The following ACTR3C variants were observed in gnomAD, a reference collection of about 807,000 sequenced individuals.
ACTR3C encodes the protein actin related protein 3C.
Under a neutral mutation model 26.3 loss-of-function variants are expected in ACTR3C, and 18 were observed. That is an observed-to-expected ratio of 0.68 (90% CI 0.47 to 1.01). The LOEUF (loss-of-function observed/expected upper bound fraction) is 1.01, where lower values mean the gene tolerates loss of function less well. Ranked by LOEUF, ACTR3C falls within the 50% of genes least tolerant of loss-of-function variation. The pLI, the probability that ACTR3C is intolerant of heterozygous loss-of-function variation, is 0.00. For synonymous variants in ACTR3C, 55 were observed against 94.5 expected (o/e 0.58, Z 2.42); for missense variants, 184 against 250.7 (o/e 0.73, Z 1.80).
chr7:150,132,920 A>T, the ACTR3C span, among the ~76,000 whole-genome samples: 1 of 152,158 alleles, frequency 6.6e-6, no homozygotes, highest in African/African-American at 2.4e-5. Flanking sequence ...ACACAGCCAT[A>T]AAAAAAGAAT....
the ACTR3C span, among the ~76,000 whole-genome samples, chr7:150,094,505 C>T: frequency 1.3e-5 from 2 of 150,528 alleles, no homozygotes; most frequent in African/African-American, 2.5e-5. Context: ...GGGCCAAGGT[C>T]GGGGCAGATG....
chr7:149,918,882 C>A, the ACTR3C span, among the ~76,000 whole-genome samples: 1 of 152,132 alleles, frequency 6.6e-6, no homozygotes, highest in Non-Finnish European at 1.5e-5. Context: ...TCCTTAAAGG[C>A]TCTGGAACTT....
chr7:150,040,664 G>T, the ACTR3C span: 1 of 145,978 alleles, frequency 6.9e-6, no homozygotes, highest in Non-Finnish European at 1.5e-5. Flanking sequence ...GGTACCTGCC[G>T]TCGGAAGATT....
At chr7:150,148,206 C>T in the ACTR3C span, among the ~76,000 whole-genome samples, 4 of 149,656 alleles carry the variant, frequency 2.7e-5, no homozygotes, top group African/African-American at 7.4e-5. Flanking sequence ...AGGCCAGGCG[C>T]GGTGGCTCAT....
chr7:150,299,653 G>A (rs951206904), intron 1 of ACTR3C, among the ~76,000 whole-genome samples: 2 of 151,932 alleles, frequency 1.3e-5, no homozygotes, highest in Non-Finnish European at 2.9e-5. Flanking sequence ...GGGCGTGGTG[G>A]TGCACGCCTG....
At chr7:149,967,028 A>ATTTTTTTTT in the ACTR3C span, among the ~76,000 whole-genome samples, 241 of 64,704 alleles carry the variant, frequency 3.7e-3, 47 homozygotes, top group Middle Eastern at 0.023. Flanking sequence ...TGCACAGCTA[A>ATTTTTTTTT]TTTTTTTTTT....
chr7:149,912,598 T>C, the ACTR3C span, among the ~76,000 whole-genome samples: 1 of 151,174 alleles, frequency 6.6e-6, no homozygotes, highest in African/African-American at 2.4e-5. Flanking sequence ...CGCCTTTCTG[T>C]TTCAAGCGAT....
the ACTR3C span, among the ~76,000 whole-genome samples, chr7:150,107,389 G>A: frequency 2.6e-5 from 4 of 151,794 alleles, no homozygotes; most frequent in Non-Finnish European, 5.9e-5. Flanking sequence ...TAAGAAGATG[G>A]GATCAATCTT....
chr7:150,196,155 A>T, the ACTR3C span, among the ~76,000 whole-genome samples: 3 of 152,298 alleles, frequency 2.0e-5, no homozygotes, highest in East Asian at 5.8e-4. Flanking sequence ...ATTTTGGACC[A>T]ATTAATTCTA....
the ACTR3C span, among the ~76,000 whole-genome samples, chr7:150,053,421 G>A: frequency 6.6e-6 from 1 of 152,228 alleles, no homozygotes; most frequent in Non-Finnish European, 1.5e-5. Context: ...CTTTAATTTT[G>A]TAACCAGGAG....
intron 1 of ACTR3C, among the ~76,000 whole-genome samples, chr7:150,306,043 A>G (rs1262893522): frequency 6.6e-6 from 1 of 152,202 alleles, no homozygotes; most frequent in Admixed American, 6.5e-5. Context: ...CAACCACAAC[A>G]TGCAACAGAA....
chr7:150,168,774 G>A, the ACTR3C span, among the ~76,000 whole-genome samples: 17 of 150,786 alleles, frequency 1.1e-4, 2 homozygotes, highest in African/African-American at 4.2e-4. Flanking sequence ...TAGGTTGAAT[G>A]AATCTCAGAG....
At position 150,274,362 on chromosome 7, in the gene ACTR3C, T is replaced by A. The variant is rs533073547; in HGVS notation, c.564+10391A>T. ...CATATTTTAGCAATAACATATTTTTTAAATGAAGGTATGTACACTGGTTTT... is the reference window on the plus strand; with the variant it reads ...CATATTTTAGCAATAACATATTTTTAAAATGAAGGTATGTACACTGGTTTT... On this transcript the variant is annotated intron_variant, in intron 6 of 7. Transcript: ENST00000683684. The surrounding 1 kb of genome is among the most constrained non-coding windows in gnomAD (Gnocchi z 4.1). Among the ~76,000 whole-genome samples the A allele has an allele frequency of 3.5e-4, 54 of 152,332 alleles. No homozygotes were observed. Among genetic ancestry groups the A allele is most frequent in the African/African-American group, 1.2e-3 (49 of 41,572 alleles).
chr7:149,981,309 A>C, the ACTR3C span, among the ~76,000 whole-genome samples: 1 of 152,040 alleles, frequency 6.6e-6, no homozygotes, highest in African/African-American at 2.4e-5. Context: ...ATCAAGATGC[A>C]GCAGCAAGTG....
At chr7:149,936,648 C>T in the ACTR3C span, among the ~76,000 whole-genome samples, 12 of 152,212 alleles carry the variant, frequency 7.9e-5, no homozygotes, top group Non-Finnish European at 1.5e-4. Flanking sequence ...ATACATGATA[C>T]TTGACTATTG....
chr7:150,140,245 G>C, the ACTR3C span, among the ~76,000 whole-genome samples: 3 of 152,190 alleles, frequency 2.0e-5, no homozygotes, highest in African/African-American at 7.2e-5. Flanking sequence ...GGAAGGTGAA[G>C]AGCGCATTCC....
chr7:150,084,931 G>T, the ACTR3C span, among the ~76,000 whole-genome samples: 4 of 152,094 alleles, frequency 2.6e-5, no homozygotes, highest in East Asian at 7.7e-4. Flanking sequence ...TGGGGAGGTG[G>T]GTGTACTGCA....
the ACTR3C span, among the ~76,000 whole-genome samples, chr7:150,215,096 C>T: frequency 6.7e-6 from 1 of 150,020 alleles, no homozygotes; most frequent in Non-Finnish European, 1.5e-5. Context: ...AGGAAAATGA[C>T]AGACATACAA....
chr7:150,238,475 A>G, the ACTR3C span, among the ~76,000 whole-genome samples: 3 of 130,366 alleles, frequency 2.3e-5, no homozygotes, highest in South Asian at 7.7e-4. Flanking sequence ...AAGAGTCTAG[A>G]TTCTGGATAT....
Sources: gnomAD v4.1 joint callset for allele counts (sites outside exome capture counted in the v4.1 genomes callset) on GRCh38, gnomAD v4.1.1 for gene constraint, Gnocchi (gnomAD v3.1) non-coding constraint, MANE v1.5 for transcripts, NCBI Gene and HGNC (gene_info 2026-07-23, HGNC 2026-07-21) for gene names.